Variants in ETS1 observed in about 807,000 individuals in gnomAD.
The protein encoded by ETS1 is protein C-ets-1.
ETS1 carries 15 observed loss-of-function variants against 58.6 expected under a neutral mutation model. The observed-to-expected ratio is 0.26, with a 90% CI of 0.17 to 0.39. The LOEUF (loss-of-function observed/expected upper bound fraction) is 0.39. ETS1 is among the 10% of genes least tolerant of loss of function. The probability of loss-of-function intolerance (pLI) is 1.00; values close to 1 mark genes in which losing one functional copy is unlikely to be tolerated. For missense variants in ETS1, 417 were observed against 610.5 expected (o/e 0.68, Z 3.34); for synonymous variants, 214 against 218.2 (o/e 0.98, Z 0.17).
chr11:128,472,762 T>A (rs1862220475), intron 8 of ETS1, among the ~76,000 whole-genome samples: 1 of 152,202 alleles, frequency 6.6e-6, no homozygotes. Context: ...AGAATGGAGC[T>A]GCAGTTGAGG....
intron 3 of ETS1, among the ~76,000 whole-genome samples, chr11:128,552,199 C>A (rs1397578366): frequency 6.6e-6 from 1 of 152,104 alleles, no homozygotes; most frequent in Non-Finnish European, 1.5e-5. Context: ...ACAGTTATAA[C>A]GGAAGAGCTG....
chr11:128,528,447 C>T (rs909085920), intron 3 of ETS1, among the ~76,000 whole-genome samples: 3 of 152,148 alleles, frequency 2.0e-5, no homozygotes, highest in African/African-American at 7.2e-5. Context: ...ATTTCCCTCA[C>T]AGAAGCTGTC....
chr11:128,487,428 T>C (rs1407988257), intron 5 of ETS1, among the ~76,000 whole-genome samples: 1 of 152,198 alleles, frequency 6.6e-6, no homozygotes, highest in African/African-American at 2.4e-5. Context: ...GGATGGGATG[T>C]TAAATTTTAA....
At chr11:128,521,001 C>T (rs1863652652) in intron 3 of ETS1, among the ~76,000 whole-genome samples, 1 of 152,188 alleles carries the variant, frequency 6.6e-6, no homozygotes, top group South Asian at 2.1e-4. Flanking sequence ...TCCAAAATCA[C>T]TCATCTCTAA....
intron 3 of ETS1, among the ~76,000 whole-genome samples, chr11:128,522,621 C>A (rs1350101479): frequency 2.0e-5 from 3 of 152,200 alleles, no homozygotes; most frequent in African/African-American, 7.2e-5. Context: ...GGGCCGGGAG[C>A]GGGTGTGCAG....
chr11:128,544,443 T>C (rs955245559), intron 3 of ETS1, among the ~76,000 whole-genome samples: 1 of 150,242 alleles, frequency 6.7e-6, no homozygotes, highest in South Asian at 2.1e-4. Flanking sequence ...TAGGGAAATG[T>C]GGATAAATGT....
intron 7 of ETS1, among the ~76,000 whole-genome samples, chr11:128,483,572 C>T (rs1425019979): frequency 6.6e-6 from 1 of 152,212 alleles, no homozygotes; most frequent in Admixed American, 6.5e-5. Flanking sequence ...TCCCACCCAT[C>T]CCCTTCGGTC....
At chr11:128,512,654 T>A (rs576372102) in intron 3 of ETS1, among the ~76,000 whole-genome samples, 76 of 152,350 alleles carry the variant, frequency 5.0e-4, no homozygotes, top group African/African-American at 1.7e-3. Flanking sequence ...GATCAGCCGG[T>A]GGCCACCTAG....
At chr11:128,497,409 C>G (rs901369758) in intron 3 of ETS1, among the ~76,000 whole-genome samples, 1 of 152,210 alleles carries the variant, frequency 6.6e-6, no homozygotes, top group Non-Finnish European at 1.5e-5. Context: ...GGTCCTGCAG[C>G]CAGGCCTGAG....
intron 3 of ETS1, among the ~76,000 whole-genome samples, chr11:128,551,655 T>G (rs1353180916): frequency 6.6e-6 from 1 of 152,174 alleles, no homozygotes; most frequent in East Asian, 1.9e-4. Context: ...GAACTGAGGC[T>G]TCCCCTTTTC....
At chr11:128,510,035 A>C (rs1017123214) in intron 3 of ETS1, among the ~76,000 whole-genome samples, 6 of 152,254 alleles carry the variant, frequency 3.9e-5, no homozygotes, top group African/African-American at 1.4e-4. Flanking sequence ...AAAAGCAAGC[A>C]TCCAGCAGTT....
intron 2 of ETS1, among the ~76,000 whole-genome samples, chr11:128,570,845 G>A (rs542856919): frequency 6.6e-6 from 1 of 152,288 alleles, no homozygotes; most frequent in African/African-American, 2.4e-5. Context: ...TTTGGCAATC[G>A]CTACTAAGCA....
chr11:128,572,984 G>A lies in ETS1; in HGVS notation c.69+78C>T, dbSNP rs566589013. On this transcript the variant is annotated intron_variant, in intron 2 of 9. Transcript: ENST00000392668. ...GGTTCCTGGCTTCTCTGTCTACTGG[G>A]GGTCAGGATACAGGAAGCACAAGGA... 3 of 1,132,858 alleles carry A rather than the reference G, an allele frequency of 2.6e-6. No individual in the cohort carries two copies. In the African/African-American group the frequency reaches 4.6e-5, roughly 17 times the overall value. 70.2% of individuals were successfully genotyped at this position (1,132,858 alleles called of 1,614,324 possible).
At position 128,490,412 on chromosome 11, in the gene ETS1, A is replaced by G. The variant is rs752596384; in HGVS notation, c.334+45T>C. ...CCAGGTGAGAAAATGTGTCTTCCCA[A>G]AGGGTCTGACCCCAACCACTCTTTT... On this transcript the variant is annotated intron_variant, in intron 4 of 9. Coordinates refer to ENST00000392668, the MANE Select transcript of ETS1 (RefSeq NM_001143820.2). The G allele has an allele frequency of 2.5e-6, 4 of 1,607,232 alleles. No individual in the cohort carries two copies. The South Asian group carries it at 4.4e-5, about 18-fold the overall frequency.
At chr11:128,543,520 T>C (rs954684776) in intron 3 of ETS1, among the ~76,000 whole-genome samples, 19 of 152,118 alleles carry the variant, frequency 1.2e-4, no homozygotes, top group Non-Finnish European at 2.8e-4. Context: ...AGACCTTCCC[T>C]CCTTAGCCCC....
chr11:128,538,402 G>A (rs1243616576), intron 3 of ETS1, among the ~76,000 whole-genome samples: 4 of 152,060 alleles, frequency 2.6e-5, no homozygotes, highest in Non-Finnish European at 5.9e-5. Context: ...CACAAATTGC[G>A]CACATAGTGG....
At chr11:128,489,683 C>T (rs573312685) in intron 4 of ETS1, among the ~76,000 whole-genome samples, 193 bp from the exon 5 acceptor site, 1 of 152,320 alleles carries the variant, frequency 6.6e-6, no homozygotes, top group South Asian at 2.1e-4. Flanking sequence ...ACATCTCCGC[C>T]TTCTCTATTT....
chr11:128,494,590 G>A (rs1288971415), intron 3 of ETS1, among the ~76,000 whole-genome samples: 1 of 152,246 alleles, frequency 6.6e-6, no homozygotes, highest in East Asian at 1.9e-4. Context: ...TCACTTACAT[G>A]TAACTCAAAG....
At chr11:128,585,158 A>T (rs1482061815) in intron 1 of ETS1, among the ~76,000 whole-genome samples, 2 of 49,606 alleles carry the variant, frequency 4.0e-5, no homozygotes, top group African/African-American at 2.1e-4. Flanking sequence ...GAAAGAAAGA[A>T]AGAAAGAAAG....
Sources: gnomAD v4.1 joint callset for allele counts (sites outside exome capture counted in the v4.1 genomes callset) on GRCh38, gnomAD v4.1.1 for gene constraint, MANE v1.5 for transcripts, NCBI Gene and HGNC (gene_info 2026-07-23, HGNC 2026-07-21) for gene names.